ANK3: variants seen among roughly 807,000 people sequenced by gnomAD.
The protein encoded by ANK3 is ankyrin-3.
In ANK3, 57 loss-of-function variants were observed where a neutral mutation model predicts 370.9. The observed-to-expected ratio is 0.15, with a 90% confidence interval of 0.12 to 0.19. The LOEUF is 0.19. ANK3 is among the 10% of genes least tolerant of loss of function. The pLI is 1.00. For synonymous variants in ANK3, 1,929 were observed against 1,946.3 expected, an observed-to-expected ratio of 0.99 and a Z score of 0.23; for missense variants, 4,439 against 5,302.1, an observed-to-expected ratio of 0.84 and a Z score of 5.06.
At chr10:60,122,674 T>C (rs563842321) in intron 25 of ANK3, among the ~76,000 whole-genome samples, 12 of 152,242 alleles carry the variant, frequency 7.9e-5, no homozygotes, top group Non-Finnish European at 1.3e-4. Flanking sequence ...CTGGCACCAA[T>C]GCAGTGCTGG....
At chr10:60,647,333 C>T (rs942631777) in intron 1 of ANK3, among the ~76,000 whole-genome samples, 7 of 152,044 alleles carry the variant, frequency 4.6e-5, no homozygotes, top group Admixed American at 3.9e-4. Flanking sequence ...GTCATTTTGC[C>T]TTAATAATGC....
chr10:60,413,118 T>C (rs1385664784), intron 2 of ANK3, among the ~76,000 whole-genome samples: 2 of 152,338 alleles, frequency 1.3e-5, no homozygotes, highest in East Asian at 3.9e-4. Flanking sequence ...TATTGAGCCT[T>C]TTTATAAAAG....
At chr10:60,339,674 A>G (rs1334621263) in intron 1 of ANK3, among the ~76,000 whole-genome samples, 3 of 152,236 alleles carry the variant, frequency 2.0e-5, no homozygotes, top group Admixed American at 2.0e-4. Context: ...ATGAAATAAT[A>G]AAACCAGAGT....
chr10:60,330,663 T>TG lies in ANK3; in HGVS notation c.115-51025dup, dbSNP rs374763502. Among the ~76,000 whole-genome samples the TG allele has an allele frequency of 7.6e-4, 116 of 152,238 alleles. 1 individual carries two copies. Among genetic ancestry groups the TG allele is most frequent in the African/African-American group, 2.7e-3 (113 of 41,530 alleles). Reference sequence around the variant, plus strand: ...AGAAATAGGAACACTTTTACACTGTTGGGGGGAGTGTAAATTAGTTCAACC... The same window carrying TG: ...AGAAATAGGAACACTTTTACACTGTTGGGGGGGAGTGTAAATTAGTTCAACC... On this transcript the variant is annotated intron_variant, in intron 1 of 43. Coordinates refer to ENST00000280772, the MANE Select transcript of ANK3 (RefSeq NM_020987.5).
At chr10:60,294,690 A>G (rs2042138331) in intron 1 of ANK3, among the ~76,000 whole-genome samples, 1 of 152,234 alleles carries the variant, frequency 6.6e-6, no homozygotes, top group South Asian at 2.1e-4. Flanking sequence ...AAATATTTTT[A>G]AAAACAAGGT....
Position 60,395,629 on chromosome 10 carries a change from T to G in ANK3, c.97-115990A>C, listed in dbSNP as rs1308843050. Among the ~76,000 whole-genome samples the G allele has an allele frequency of 3.6e-3, 455 of 128,150 alleles. 1 individual carries two copies. The highest frequency in any genetic ancestry group is 0.01 in the African/African-American group (296 of 28,796). The allele number at this position is 128,150 out of a possible 152,430, so 84.1% of individuals were successfully genotyped here. A position where few individuals can be genotyped will look rare whatever the true frequency, so the allele number is the denominator to read the frequency against. On this transcript the variant is annotated intron_variant, in intron 2 of 43. Transcript: ENST00000373827. ...CTTTCTCTCTTTCGTTCTCTCTCTC[T>G]CTCTCTCTCTCTCTCTCTCTCTTTC...
intron 35 of ANK3, chr10:60,081,721 C>T (rs2132005530): frequency 7.0e-6 from 2 of 284,502 alleles, no homozygotes; most frequent in South Asian, 6.8e-5. Flanking sequence ...GCACATGAAA[C>T]TTTCACAAAA....
At chr10:60,639,950 T>C (rs937684258) in intron 1 of ANK3, among the ~76,000 whole-genome samples, 6 of 152,000 alleles carry the variant, frequency 3.9e-5, no homozygotes, top group African/African-American at 1.4e-4. Flanking sequence ...CTCACCTATA[T>C]GCCTTCTATG....
intron 2 of ANK3, among the ~76,000 whole-genome samples, chr10:60,602,295 C>T (rs1236197202): frequency 6.6e-6 from 1 of 152,142 alleles, no homozygotes; most frequent in Non-Finnish European, 1.5e-5. Context: ...ACTATGACTT[C>T]TTTTCTTATC....
At chr10:60,424,408 T>C (rs2063837856) in intron 2 of ANK3, among the ~76,000 whole-genome samples, 1 of 152,078 alleles carries the variant, frequency 6.6e-6, no homozygotes, top group African/African-American at 2.4e-5. Context: ...GTGGAAATAG[T>C]GACTCTTTAG....
chr10:60,357,726 C>T (rs965377198), intron 1 of ANK3, among the ~76,000 whole-genome samples: 7 of 152,160 alleles, frequency 4.6e-5, no homozygotes, highest in Non-Finnish European at 7.3e-5. Flanking sequence ...CCTAATCTTT[C>T]TCCATTCTTT....
intron 17 of ANK3, among the ~76,000 whole-genome samples, chr10:60,185,427 T>C (rs1234964775): frequency 6.6e-6 from 1 of 152,206 alleles, no homozygotes; most frequent in Non-Finnish European, 1.5e-5. Context: ...TATCTCCATG[T>C]ACTAAAGGAC....
intron 23 of ANK3, among the ~76,000 whole-genome samples, chr10:60,164,923 G>A (rs1451469282): frequency 6.6e-6 from 1 of 152,172 alleles, no homozygotes; most frequent in Non-Finnish European, 1.5e-5. Context: ...AAGAAAAGAT[G>A]CATAAAATGA....
chr10:60,394,380 T>C (rs904447561), upstream of ANK3, among the ~76,000 whole-genome samples: 11 of 152,146 alleles, frequency 7.2e-5, 1 homozygote, highest in African/African-American at 2.6e-4. Flanking sequence ...CTGGTAGCCA[T>C]TCATACACCC....
At chr10:60,506,216 T>C (rs1282294441) in intron 2 of ANK3, among the ~76,000 whole-genome samples, 1 of 152,120 alleles carries the variant, frequency 6.6e-6, no homozygotes, top group Non-Finnish European at 1.5e-5. Flanking sequence ...AAAGTGCTGT[T>C]CTTCTATAAC....
chr10:60,342,637 G>A (rs1174475933), intron 1 of ANK3, among the ~76,000 whole-genome samples: 2 of 152,160 alleles, frequency 1.3e-5, no homozygotes, highest in African/African-American at 4.8e-5. Context: ...TTGGGTCGAA[G>A]TCAGGGCTAG....
intron 2 of ANK3, among the ~76,000 whole-genome samples, chr10:60,479,838 G>A (rs748483363): frequency 3.9e-5 from 6 of 152,072 alleles, no homozygotes; most frequent in African/African-American, 4.8e-5. Flanking sequence ...ATTTCACAAC[G>A]CTTTTGATTA....
chr10:60,192,313 G>A (rs998704421), intron 16 of ANK3, among the ~76,000 whole-genome samples: 3 of 151,066 alleles, frequency 2.0e-5, no homozygotes, highest in African/African-American at 4.9e-5. Context: ...ATGTGTGTAT[G>A]TGTGTATATA....
At chr10:60,356,492 A>T (rs751434851) in intron 1 of ANK3, among the ~76,000 whole-genome samples, 4 of 152,152 alleles carry the variant, frequency 2.6e-5, no homozygotes, top group Non-Finnish European at 5.9e-5. Flanking sequence ...CTCCTAGCTC[A>T]TGAAGCTCCC....
Sources: gnomAD v4.1 joint callset for allele counts (sites outside exome capture counted in the v4.1 genomes callset) on GRCh38, gnomAD v4.1.1 for gene constraint, MANE v1.5 for transcripts, NCBI Gene and HGNC (gene_info 2026-07-23, HGNC 2026-07-21) for gene names.